Variants in POLR1B observed in about 807,000 individuals in gnomAD.
POLR1B encodes the protein RNA polymerase I subunit B.
A neutral mutation model predicts 105.8 loss-of-function variants in POLR1B; 30 were observed. The ratio of observed to expected loss-of-function variants is 0.28; its 90% CI spans 0.21 to 0.38. The LOEUF (loss-of-function observed/expected upper bound fraction) is 0.38. Among genes scored for constraint, POLR1B ranks in the 10% least tolerant of loss-of-function variants. POLR1B has a pLI of 1.00. For missense variants in POLR1B, 976 were observed against 1,435.8 expected (o/e 0.68, Z 5.17); for synonymous variants, 485 against 505.1 (o/e 0.96, Z 0.53).
At chr2:112,542,458 G>A, upstream of POLR1B, 1 of 1,609,470 alleles carries the variant, frequency 6.2e-7, no homozygotes, top group African/African-American at 1.3e-5. Flanking sequence ...CGTCCGGCGT[G>A]TACCGAGAGA....
chr2:112,545,432 A>T (rs986412989), intron 1 of POLR1B, among the ~76,000 whole-genome samples: 1 of 152,228 alleles, frequency 6.6e-6, no homozygotes, highest in African/African-American at 2.4e-5. Flanking sequence ...TTGTGTGTTG[A>T]TCAGTTGATG....
intron 9 of POLR1B, among the ~76,000 whole-genome samples, chr2:112,561,860 T>TG (rs1418298549): frequency 1.3e-5 from 2 of 152,060 alleles, no homozygotes. Context: ...TTTGTAGAGA[T>TG]GGGGTCTTGC....
rs762248163 is a variant in POLR1B, at chr2:112,542,532, G to C, written c.38G>C (p.Gly13Ala). 21 of 1,613,982 alleles carry C rather than the reference G, an allele frequency of 1.3e-5. No individual in the cohort carries two copies. Among genetic ancestry groups the C allele is most frequent in the Non-Finnish European group, 1.5e-5 (18 of 1,180,044 alleles). ...PGSRWRNLPS[G>A]PSLKHLTDPS... is the part of the protein sequence containing the mutation. ...AGCCGGTGGCGGAACCTGCCCAGCG[G>C]GCCTAGCCTAAAGCACTTGACTGAC... The change falls in exon 1 of 15, where the codon GGG (glycine) becomes GCG (alanine). Residue 13 changes from glycine to alanine, a missense_variant. Around this residue, in one of 12 missense-constraint regions of POLR1B, gnomAD observed 452 missense variants for 616.5 expected, o/e 0.73. Transcript: ENST00000263331.
At position 112,552,803 on chromosome 2, in the gene POLR1B, T is replaced by G; in HGVS notation, c.1145T>G (p.Leu382Arg). ...QEVLTPGQLFLMFLKEKLEGW... is the reference protein window; with the variant it reads ...QEVLTPGQLFRMFLKEKLEGW... ...GTCCTCACACCGGGTCAGCTCTTCC[T>G]TATGTTCCTGAAGGTAAATGCATGC... Residue 382 changes from leucine to arginine, a missense_variant, in exon 7 of 15, where the codon CTT (leucine) becomes CGT (arginine). Coordinates refer to ENST00000263331, the MANE Select transcript of POLR1B (RefSeq NM_019014.6). 2 of 1,589,262 alleles carry G rather than the reference T, an allele frequency of 1.3e-6. No individual in the cohort carries two copies. Among genetic ancestry groups the G allele is most frequent in the Non-Finnish European group, 1.7e-6 (2 of 1,169,688 alleles).
In POLR1B at chr2:112,550,931, A is replaced by G. The variant is rs1166925910; in HGVS notation, c.691A>G (p.Asn231Asp). The G allele has an allele frequency of 1.9e-6, 3 of 1,613,668 alleles. No homozygotes were observed. The highest frequency in any genetic ancestry group is 1.7e-5 in the Admixed American group (1 of 60,024). The change falls in exon 5 of 15, where the codon AAT (asparagine) becomes GAT (aspartate). Residue 231 changes from asparagine (N) to aspartate (D), a missense_variant. By Grantham distance (23) the Asn-to-Asp change is conservative. Transcript: ENST00000263331. ...AVNMNLHYLE[N>D]GTVMLNFIYR... ...CAATATGAACCTCCACTACTTGGAAAATGGCACTGTTATGTTGAACTTTAT... is the reference window on the plus strand; with the variant it reads ...CAATATGAACCTCCACTACTTGGAAGATGGCACTGTTATGTTGAACTTTAT...
At chr2:112,550,680 TG>T in intron 4 of POLR1B, 185 bp from the exon 5 acceptor site, 2 of 601,412 alleles carry the variant, frequency 3.3e-6, no homozygotes, top group Non-Finnish European at 5.8e-6. Context: ...TTTCTCAATC[TG>T]GGTAGATTTT....
Position 112,576,290 on chromosome 2 carries a change from A to G in POLR1B, c.*561A>G, listed in dbSNP as rs1406622819. 1 of 152,148 alleles carries G rather than the reference A, an allele frequency of 6.6e-6. No individual in the cohort carries two copies. The highest frequency in any genetic ancestry group is 1.5e-5 in the Non-Finnish European group (1 of 68,112). The allele number at this position is 152,148 out of a possible 1,614,324, so 9.4% of individuals were successfully genotyped here. On this transcript the variant is annotated 3_prime_UTR_variant, in exon 15 of 15. Transcript: ENST00000263331. ...AATCAGGGTAATAAACATACCTGTC[A>G]TCTCCACAAGTTTCCTCCTGCCCCT...
chr2:112,573,854 G>A (rs1376542329), intron 14 of POLR1B, 39 bp downstream of exon 14: 1 of 1,598,130 alleles, frequency 6.3e-7, no homozygotes, highest in Non-Finnish European at 8.5e-7. Context: ...TTTTGTTTTT[G>A]TTTTTGTTTT....
chr2:112,549,956 C>T (rs2104516313), intron 4 of POLR1B, among the ~76,000 whole-genome samples: 1 of 152,232 alleles, frequency 6.6e-6, no homozygotes, highest in South Asian at 2.1e-4. Flanking sequence ...AGGTATTGTA[C>T]ACCTTGAATA....
intron 9 of POLR1B, 136 bp from the exon 10 acceptor site, chr2:112,564,230 A>T: frequency 9.7e-7 from 1 of 1,029,240 alleles, no homozygotes; most frequent in Non-Finnish European, 1.4e-6. Flanking sequence ...AAAAGAAATA[A>T]TGCCTGTACC....
intron 10 of POLR1B, 25 bp downstream of exon 10, chr2:112,564,524 T>A: frequency 1.2e-6 from 2 of 1,614,070 alleles, no homozygotes; most frequent in East Asian, 2.2e-5. Flanking sequence ...TTGTGAATTG[T>A]CCTATCCCTT....
In POLR1B at chr2:112,557,990, T is replaced by C; in HGVS notation, c.1239T>C (p.Thr413=). 7.0e-7 allele frequency: 1 copy of C among 1,425,508 alleles called. No individual in the cohort carries two copies. Among genetic ancestry groups the C allele is most frequent in the Non-Finnish European group, 9.3e-7 (1 of 1,075,544 alleles). The allele number at this position is 1,425,508 out of a possible 1,614,324, so 88.3% of individuals were successfully genotyped here. The change falls in exon 8 of 15, where the codon ACT becomes ACC. Residue 413 remains threonine (T), a synonymous_variant. Coordinates refer to ENST00000263331, the MANE Select transcript of POLR1B (RefSeq NM_019014.6). ...KAQKTSVSMN[T]DNLMRIFTMG... is the part of the protein sequence containing the mutation. ...AGAAGACCAGTGTTTCCATGAACAC[T>C]GACAATTTGATGAGGATTTTTACAA... is the stretch of plus-strand genomic sequence containing the variant.
intron 1 of POLR1B, among the ~76,000 whole-genome samples, chr2:112,544,727 ATAAC>A (rs1398808702): frequency 3.3e-5 from 5 of 152,238 alleles, no homozygotes; most frequent in South Asian, 2.1e-4. Flanking sequence ...AGTAACATAA[ATAAC>A]TAATACTTAT....
In POLR1B at chr2:112,552,823, G is replaced by GCAT; in HGVS notation, c.1158+8_1158+10dup. ...CTTCCTTATGTTCCTGAAGGTAAAT[G>GCAT]CATGCTATGTCCACCCTTGGCCAGT... On this transcript the variant is annotated splice_region_variant and intron_variant, in intron 7 of 14. Coordinates refer to ENST00000263331, the MANE Select transcript of POLR1B (RefSeq NM_019014.6). The GCAT allele has an allele frequency of 6.4e-7, 1 of 1,572,344 alleles. No individual in the cohort carries two copies. The highest frequency in any genetic ancestry group is 1.2e-5 in the South Asian group (1 of 84,876).
chr2:112,566,318 A>G (rs1217345960), intron 10 of POLR1B, among the ~76,000 whole-genome samples: 1 of 152,236 alleles, frequency 6.6e-6, no homozygotes, highest in Non-Finnish European at 1.5e-5. Flanking sequence ...GTGGAGAGAT[A>G]GTTGAAAGCT....
At chr2:112,555,423 T>G (rs1458468076) in intron 7 of POLR1B, among the ~76,000 whole-genome samples, 1 of 152,120 alleles carries the variant, frequency 6.6e-6, no homozygotes, top group Non-Finnish European at 1.5e-5. Flanking sequence ...GGAGGATCAC[T>G]TGAGCCCAGG....
rs774122191 is a variant in POLR1B, at chr2:112,547,166, G to A, written c.332G>A (p.Arg111His). Residue 111 changes from arginine to histidine, a missense_variant, in exon 2 of 15, where the codon CGT becomes CAT. Physicochemically the swap from Arg to His is conservative, Grantham distance 29. Coordinates refer to ENST00000263331, the MANE Select transcript of POLR1B (RefSeq NM_019014.6). The stretch of plus-strand genomic sequence containing the variant: ...TGCCGGGGCCGAAGGAGTACCTACC[G>A]TGGGAAGTTGACAGTGAGTACTAGT... Reference protein sequence around the residue: ...AECRGRRSTYRGKLTADINWA... With the variant: ...AECRGRRSTYHGKLTADINWA... 1.1e-5 allele frequency: 17 copies of A among 1,613,976 alleles called. No individual in the cohort carries two copies. The highest frequency in any genetic ancestry group is 1.6e-4 in the Middle Eastern group (1 of 6,082).
intron 1 of POLR1B, among the ~76,000 whole-genome samples, chr2:112,545,200 G>A (rs779076410): frequency 3.9e-5 from 6 of 152,110 alleles, no homozygotes; most frequent in Non-Finnish European, 8.8e-5. Flanking sequence ...TGCCTTTAGG[G>A]GAAAATATTA....
rs1485837084 is a variant in POLR1B at position 112,548,886 on chromosome 2, A to G, written c.493-381A>G. Among the ~76,000 whole-genome samples, 4 of 152,312 alleles carry G rather than the reference A, an allele frequency of 2.6e-5. No individual in the cohort carries two copies. The East Asian group carries it at 5.8e-4, about 22-fold the overall frequency. On this transcript the variant is annotated intron_variant, in intron 3 of 14. Transcript: ENST00000263331. ...CTCGGCCTCCCAAAGTGCTGTGATT[A>G]CAGGCGTGAGCCACCGCGCCCGGCC...
Sources: allele counts gnomAD v4.1 joint callset (sites outside exome capture counted in the v4.1 genomes callset), GRCh38; gene constraint gnomAD v4.1.1; regional missense constraint gnomAD v4.1.1; transcripts MANE v1.5; gene names NCBI Gene and HGNC (gene_info 2026-07-23, HGNC 2026-07-21).